The following MYO6 variants were observed in gnomAD, a reference collection of about 807,000 sequenced individuals.
MYO6 encodes the protein myosin VI, also known as unconventional myosin-VI.
Under a neutral mutation model 178.7 loss-of-function variants are expected in MYO6, and 74 were observed. The ratio of observed to expected loss-of-function variants is 0.41; its 90% CI spans 0.34 to 0.50. The LOEUF is 0.50. Among genes scored for constraint, MYO6 ranks in the 20% least tolerant of loss-of-function variants. The pLI, the probability that MYO6 is intolerant of heterozygous loss-of-function variation, is 0.09. For synonymous variants in MYO6, 477 were observed against 504.6 expected, an observed-to-expected ratio of 0.95 and a Z score of 0.73; for missense variants, 1,330 against 1,547.4, an observed-to-expected ratio of 0.86 and a Z score of 2.36.
chr6:75,808,178 C>T (rs575785840), intron 1 of MYO6, among the ~76,000 whole-genome samples: 1 of 152,246 alleles, frequency 6.6e-6, no homozygotes, highest in South Asian at 2.1e-4. Flanking sequence ...CTCAGGCTGC[C>T]GTAATAAAAT....
At chr6:75,827,801 T>C (rs1405196695) in intron 3 of MYO6, among the ~76,000 whole-genome samples, 1 of 151,924 alleles carries the variant, frequency 6.6e-6, no homozygotes, top group Non-Finnish European at 1.5e-5. Flanking sequence ...AAGATGATTT[T>C]AGTGTTGACT....
intron 1 of MYO6, among the ~76,000 whole-genome samples, chr6:75,802,023 AAT>A (rs1447162187): frequency 6.6e-6 from 1 of 152,238 alleles, no homozygotes; most frequent in African/African-American, 2.4e-5. Flanking sequence ...AAGAAAGAAT[AAT>A]ATATTTTATA....
intron 1 of MYO6, among the ~76,000 whole-genome samples, chr6:75,767,030 C>CTTT (rs34267670): frequency 6.9e-6 from 1 of 145,172 alleles, no homozygotes; most frequent in East Asian, 2.0e-4. Flanking sequence ...TCAATTCATT[C>CTTT]TTTTTTTTTT....
chr6:75,829,918 G>T (rs990971346), intron 4 of MYO6, among the ~76,000 whole-genome samples: 2 of 152,152 alleles, frequency 1.3e-5, no homozygotes, highest in African/African-American at 4.8e-5. Flanking sequence ...ATAGGGATGG[G>T]CCCAGAAGGT....
chr6:75,850,298 T>C (rs1470995962), intron 11 of MYO6, among the ~76,000 whole-genome samples: 2 of 152,052 alleles, frequency 1.3e-5, no homozygotes, highest in African/African-American at 4.8e-5. Context: ...AAGTGTTATA[T>C]GCAAGACTCT....
At chr6:75,842,949 G>T (rs1257968719) in intron 9 of MYO6, among the ~76,000 whole-genome samples, 2 of 152,138 alleles carry the variant, frequency 1.3e-5, no homozygotes, top group South Asian at 4.1e-4. Flanking sequence ...TCCTGTTTCT[G>T]CAGTGTGAAC....
In MYO6 at chr6:75,898,376, A is replaced by G. The variant is rs1779469380; in HGVS notation, c.3141A>G (p.Glu1047=). 6.2e-7 allele frequency: 1 copy of G among 1,607,620 alleles called. No individual in the cohort carries two copies. The highest frequency in any genetic ancestry group is 8.5e-7 in the Non-Finnish European group (1 of 1,174,182). The change falls in exon 30 of 35, where the codon GAA becomes GAG. Residue 1047 remains glutamate, a synonymous_variant. Transcript: ENST00000369977. ...TGTATTATCGTTTTTCTTGTAGGGA[A>G]CAAATGGCCAAAGAAATGTCAGAAT... ...NDGTRPKMTP[E]QMAKEMSEFL...
intron 1 of MYO6, among the ~76,000 whole-genome samples, chr6:75,764,348 C>G (rs1778214666): frequency 1.3e-5 from 2 of 152,188 alleles, no homozygotes; most frequent in Admixed American, 1.3e-4. Context: ...CCCCATTCTC[C>G]TTTCTCCTTA....
intron 1 of MYO6, among the ~76,000 whole-genome samples, chr6:75,816,199 A>C (rs990117835): frequency 1.5e-4 from 23 of 152,250 alleles, no homozygotes; most frequent in African/African-American, 5.5e-4. Flanking sequence ...AAGGTTAAAT[A>C]TGTTGAAAGC....
At chr6:75,902,209 G>A (rs1414624626) in intron 30 of MYO6, among the ~76,000 whole-genome samples, 2 of 152,216 alleles carry the variant, frequency 1.3e-5, no homozygotes, top group African/African-American at 4.8e-5. Flanking sequence ...GTCTCTGCTA[G>A]GCTTTGGTAT....
At chr6:75,861,508 C>G (rs745341737) in intron 15 of MYO6, among the ~76,000 whole-genome samples, 11 of 152,078 alleles carry the variant, frequency 7.2e-5, no homozygotes, top group Admixed American at 1.3e-4. Flanking sequence ...TTGACAGCAT[C>G]CTCTAACTGG....
At chr6:75,897,270 C>T (rs1451452653) in intron 29 of MYO6, among the ~76,000 whole-genome samples, 2 of 152,304 alleles carry the variant, frequency 1.3e-5, no homozygotes, top group East Asian at 3.9e-4. Flanking sequence ...AAATCTGCTG[C>T]ATTTAAAAGT....
At chr6:75,875,014 C>T (rs1330716240) in intron 20 of MYO6, among the ~76,000 whole-genome samples, 2 of 152,140 alleles carry the variant, frequency 1.3e-5, no homozygotes, top group African/African-American at 4.8e-5. Context: ...CCCTGCTTTT[C>T]TTTTGAATTC....
intron 7 of MYO6, among the ~76,000 whole-genome samples, chr6:75,839,825 C>A (rs1774036555): frequency 6.6e-6 from 1 of 151,856 alleles, no homozygotes; most frequent in African/African-American, 2.4e-5. Flanking sequence ...AATATGGAGA[C>A]TATTAATATG....
At chr6:75,869,072 T>C (rs1288934893) in intron 18 of MYO6, among the ~76,000 whole-genome samples, 11 of 36,794 alleles carry the variant, frequency 3.0e-4, no homozygotes, top group Non-Finnish European at 1.1e-3. Context: ...TTATCTCCAT[T>C]TTTTTTTTTT....
intron 1 of MYO6, chr6:75,768,259 C>T (rs1778605439): frequency 2.0e-5 from 3 of 152,110 alleles, no homozygotes; most frequent in African/African-American, 4.8e-5. Context: ...ATCTATTTTG[C>T]ACCTGAATTT....
intron 3 of MYO6, among the ~76,000 whole-genome samples, chr6:75,826,907 T>C (rs1772525583): frequency 6.6e-6 from 1 of 151,884 alleles, no homozygotes; most frequent in Admixed American, 6.6e-5. Flanking sequence ...AGTGAGATTT[T>C]GTCTCAAAAA....
At chr6:75,802,417 C>T (rs191584793) in intron 1 of MYO6, among the ~76,000 whole-genome samples, 67 of 151,510 alleles carry the variant, frequency 4.4e-4, no homozygotes, top group African/African-American at 1.4e-3. Context: ...TGCAGTGACC[C>T]GAGACTGCGC....
rs1781161716 is a variant in MYO6 at position 75,917,083 on chromosome 6, C to T, written c.*2071C>T. Reference sequence around the variant, plus strand: ...AGTAGATGCACATACACACAGACACCCCTTTGCTGGAGAAACTTAGGACCC... The same window carrying T: ...AGTAGATGCACATACACACAGACACTCCTTTGCTGGAGAAACTTAGGACCC... On this transcript the variant is annotated 3_prime_UTR_variant, in exon 35 of 35. Coordinates refer to ENST00000369977, the MANE Select transcript of MYO6 (RefSeq NM_004999.4). 1 of 152,364 alleles carries T rather than the reference C, an allele frequency of 6.6e-6. No individual in the cohort carries two copies. Among genetic ancestry groups the T allele is most frequent in the Non-Finnish European group, 1.5e-5 (1 of 68,038 alleles). 9.4% of individuals were successfully genotyped at this position (152,364 alleles called of 1,614,324 possible).
Sources: allele counts gnomAD v4.1 joint callset (sites outside exome capture counted in the v4.1 genomes callset), GRCh38; gene constraint gnomAD v4.1.1; transcripts MANE v1.5; gene names NCBI Gene and HGNC (gene_info 2026-07-23, HGNC 2026-07-21).